Variants in BRINP1 observed in about 807,000 individuals in gnomAD.
BRINP1 encodes the protein BMP/retinoic acid inducible neural specific 1.
In BRINP1, 17 loss-of-function variants were observed where a neutral mutation model predicts 72.9. The observed-to-expected ratio is 0.23, with a 90% CI of 0.16 to 0.35. BRINP1 has a LOEUF of 0.35. Among genes scored for constraint, BRINP1 ranks in the 10% least tolerant of loss-of-function variants. The pLI is 1.00. For synonymous variants in BRINP1, 418 were observed against 378.5 expected (o/e 1.10, Z -1.21); for missense variants, 850 against 1,001.6 (o/e 0.85, Z 2.04).
chr9:119,273,178 A>C lies in BRINP1; in HGVS notation c.219-24028T>G, dbSNP rs550275897. On this transcript the variant is annotated intron_variant, in intron 2 of 7. Coordinates refer to ENST00000265922, the MANE Select transcript of BRINP1 (RefSeq NM_014618.3). ...AAAAAGCAGGAAACAGAATGAACTC[A>C]GGATCCTATTCCTGGCTCTGTCACC... Among the ~76,000 whole-genome samples the C allele has an allele frequency of 7.2e-5, 11 of 152,382 alleles. No individual in the cohort carries two copies. In the East Asian group the frequency reaches 1.9e-3, roughly 27 times the overall value.
At chr9:119,295,784 G>T (rs74554358) in intron 2 of BRINP1, among the ~76,000 whole-genome samples, 5,154 of 152,232 alleles carry the variant, frequency 0.034, 287 homozygotes, top group African/African-American at 0.12. Context: ...CACACACAAT[G>T]AGGAAAAGGT....
intron 5 of BRINP1, among the ~76,000 whole-genome samples, chr9:119,218,790 C>T (rs1830008499): frequency 6.8e-6 from 1 of 148,136 alleles, no homozygotes. Context: ...ACCCCAATCT[C>T]CTTGTATACT....
chr9:119,189,506 A>T (rs924208491), intron 7 of BRINP1, among the ~76,000 whole-genome samples: 18 of 152,160 alleles, frequency 1.2e-4, no homozygotes, highest in African/African-American at 4.3e-4. Context: ...TCAAAAGAGA[A>T]CAGGGGTTGC....
intron 7 of BRINP1, among the ~76,000 whole-genome samples, chr9:119,172,293 G>C (rs1829423141): frequency 6.6e-6 from 1 of 151,968 alleles, no homozygotes; most frequent in Non-Finnish European, 1.5e-5. Flanking sequence ...AAATGATAAA[G>C]GGGATATCAC....
At chr9:119,168,603 G>A (rs1261561488) in intron 7 of BRINP1, among the ~76,000 whole-genome samples, 2 of 152,170 alleles carry the variant, frequency 1.3e-5, no homozygotes, top group African/African-American at 4.8e-5. Context: ...ACAACATATT[G>A]TAAACAATCA....
intron 2 of BRINP1, among the ~76,000 whole-genome samples, chr9:119,304,372 C>A (rs2118986957): frequency 6.6e-6 from 1 of 152,262 alleles, no homozygotes; most frequent in Admixed American, 6.5e-5. Context: ...CTATAGCGAC[C>A]ATTGTATGGT....
intron 2 of BRINP1, among the ~76,000 whole-genome samples, chr9:119,265,756 C>T (rs968964998): frequency 6.6e-6 from 1 of 152,060 alleles, no homozygotes; most frequent in Non-Finnish European, 1.5e-5. Context: ...TAGGTTCAAG[C>T]GTACATGGGC....
intron 7 of BRINP1, among the ~76,000 whole-genome samples, chr9:119,199,848 T>C (rs181399857): frequency 1.1e-4 from 16 of 152,062 alleles, no homozygotes; most frequent in Admixed American, 7.9e-4. Context: ...GTAATAGACT[T>C]AACAAGAAAT....
intron 2 of BRINP1, among the ~76,000 whole-genome samples, chr9:119,298,545 AG>A (rs1451073567): frequency 1.3e-5 from 2 of 151,730 alleles, no homozygotes; most frequent in Non-Finnish European, 2.9e-5. Context: ...TGAACATGTC[AG>A]CACATGACTC....
At position 119,256,192 on chromosome 9, in the gene BRINP1, C is replaced by T. The variant is rs115611053; in HGVS notation, c.219-7042G>A. Among the ~76,000 whole-genome samples the T allele has an allele frequency of 2.7e-3, 415 of 152,170 alleles. 3 individuals are homozygous for T. Among genetic ancestry groups the T allele is most frequent in the African/African-American group, 9.5e-3 (395 of 41,510 alleles). On this transcript the variant is annotated intron_variant, in intron 2 of 7. Coordinates refer to ENST00000265922, the MANE Select transcript of BRINP1 (RefSeq NM_014618.3). The stretch of plus-strand genomic sequence containing the variant: ...TAAAATGTAAATGGTAGCTACCTTA[C>T]AAGGACAGGCTTAGGATTATATTAA...
intron 7 of BRINP1, among the ~76,000 whole-genome samples, chr9:119,171,345 A>AAACAGACTTTAAACCAAC (rs1323760793): frequency 8.0e-6 from 1 of 125,210 alleles, no homozygotes; most frequent in Non-Finnish European, 1.7e-5. Context: ...GTCTCTGATA[A>AAACAGACTTTAAACCAAC]AACAGACTTT....
chr9:119,307,141 C>T (rs1043259760), intron 2 of BRINP1, among the ~76,000 whole-genome samples: 6 of 151,726 alleles, frequency 4.0e-5, no homozygotes, highest in East Asian at 3.9e-4. Flanking sequence ...TTGCTACCCA[C>T]GAGATGCCAG....
chr9:119,364,917 A>G (rs566857410), intron 1 of BRINP1, among the ~76,000 whole-genome samples: 85 of 152,380 alleles, frequency 5.6e-4, no homozygotes, highest in African/African-American at 2.0e-3. Flanking sequence ...ATGAACATGA[A>G]GCAATTGTTA....
intron 5 of BRINP1, among the ~76,000 whole-genome samples, chr9:119,219,947 T>C (rs192586206): frequency 6.6e-6 from 1 of 152,248 alleles, no homozygotes; most frequent in East Asian, 1.9e-4. Flanking sequence ...GCCACGGGCA[T>C]AGAACTCCTT....
chr9:119,250,947 A>C (rs2118923448), intron 2 of BRINP1, among the ~76,000 whole-genome samples: 1 of 152,302 alleles, frequency 6.6e-6, no homozygotes, highest in South Asian at 2.1e-4. Flanking sequence ...CACAGGGCAA[A>C]GAAGCAGCAG....
At position 119,205,098 on chromosome 9, in the gene BRINP1, G is replaced by T. The variant is rs558733612; in HGVS notation, c.1145+3621C>A. ...GTTCCCAGTGTTAGCACCTCTGTCC[G>T]ACACTGCTCCATGCCAGAGAGGTGC... On this transcript the variant is annotated intron_variant, in intron 7 of 7. Coordinates refer to ENST00000265922, the MANE Select transcript of BRINP1 (RefSeq NM_014618.3). 2.0e-5 allele frequency among the ~76,000 whole-genome samples: 3 copies of T among 152,242 alleles called. No individual in the cohort carries two copies. In the South Asian group the frequency reaches 6.2e-4, roughly 32 times the overall value.
intron 1 of BRINP1, among the ~76,000 whole-genome samples, chr9:119,341,274 G>C (rs1381941598): frequency 6.6e-6 from 1 of 152,118 alleles, no homozygotes. Flanking sequence ...ATGGAGACTC[G>C]ATTTTTCATA....
chr9:119,323,602 G>C (rs544113803), intron 1 of BRINP1, among the ~76,000 whole-genome samples: 14 of 152,206 alleles, frequency 9.2e-5, no homozygotes, highest in African/African-American at 3.1e-4. Flanking sequence ...CAGAGAAAAA[G>C]GAAAACTCCA....
chr9:119,313,734 G>C (rs114565124), intron 1 of BRINP1, among the ~76,000 whole-genome samples: 1,563 of 152,208 alleles, frequency 0.01, 26 homozygotes, highest in African/African-American at 0.036. Context: ...CCTGTATCTT[G>C]GCACTTGGCA....
Sources: allele counts gnomAD v4.1 joint callset (sites outside exome capture counted in the v4.1 genomes callset), GRCh38; gene constraint gnomAD v4.1.1; transcripts MANE v1.5; gene names NCBI Gene and HGNC (gene_info 2026-07-23, HGNC 2026-07-21).